GLIS1: variants seen among roughly 807,000 people sequenced by gnomAD.
GLIS1 encodes GLIS family zinc finger 1, also known as zinc finger protein GLIS1.
GLIS1 carries 24 observed loss-of-function variants against 63.8 expected under a neutral mutation model. The observed-to-expected ratio is 0.38, with a 90% CI of 0.27 to 0.53. The LOEUF is 0.53. Among genes scored for constraint, GLIS1 ranks in the 20% least tolerant of loss-of-function variants. The probability of loss-of-function intolerance (pLI) is 0.85; values close to 1 mark genes in which losing one functional copy is unlikely to be tolerated. For missense variants in GLIS1, 1,036 were observed against 1,074.1 expected (o/e 0.96, Z 0.50); for synonymous variants, 450 against 482.5 (o/e 0.93, Z 0.88).
At chr1:53,570,218 G>A (rs1644971371) in intron 4 of GLIS1, among the ~76,000 whole-genome samples, 1 of 151,840 alleles carries the variant, frequency 6.6e-6, no homozygotes, top group South Asian at 2.1e-4. Flanking sequence ...CTGGGCTCAA[G>A]CAATCTTCCT....
At chr1:53,665,072 G>A (rs760754229) in intron 2 of GLIS1, among the ~76,000 whole-genome samples, 12 of 152,314 alleles carry the variant, frequency 7.9e-5, no homozygotes, top group East Asian at 3.9e-4. Flanking sequence ...GGAGGGTTCC[G>A]AGAGAGCCTA....
At chr1:53,535,067 C>T (rs1252690589) in intron 4 of GLIS1, among the ~76,000 whole-genome samples, 1 of 151,998 alleles carries the variant, frequency 6.6e-6, no homozygotes, top group Admixed American at 6.6e-5. Context: ...GTTCTGGAAA[C>T]AGCTAAGGAT....
intron 2 of GLIS1, among the ~76,000 whole-genome samples, chr1:53,631,936 G>C (rs945900487): frequency 6.6e-6 from 1 of 152,100 alleles, no homozygotes; most frequent in Non-Finnish European, 1.5e-5. Context: ...AAAAAGGAGA[G>C]ACAGGGGAAT....
chr1:53,526,178 G>A lies in GLIS1; in HGVS notation c.1483-1291C>T, dbSNP rs1362378538. ...ATGACACCTCTCAGAGTGAGTGCCA[G>A]GGACTGCCATGTCCTGCCAGACACA... On this transcript the variant is annotated intron_variant, in intron 5 of 10. Transcript: ENST00000628545. This position sits in a 1 kb window ranked among gnomAD's most constrained non-coding sequence, Gnocchi z 4.4. 6.6e-6 allele frequency among the ~76,000 whole-genome samples: 1 copy of A among 152,170 alleles called. No individual in the cohort carries two copies. Among genetic ancestry groups the A allele is most frequent in the Non-Finnish European group, 1.5e-5 (1 of 68,032 alleles).
chr1:53,524,889 T>C lies in GLIS1; in HGVS notation c.1483-2A>G. ...AGGGATCTGACAGGCGTACGGCTTCTGTAACATGGGGGGCACGGGTGGGGT... is the reference window on the plus strand; with the variant it reads ...AGGGATCTGACAGGCGTACGGCTTCCGTAACATGGGGGGCACGGGTGGGGT... On this transcript the variant is annotated splice_acceptor_variant, in intron 5 of 10. Transcript: ENST00000628545. LOFTEE classifies it high-confidence loss of function. 1 of 1,606,096 alleles carries C rather than the reference T, an allele frequency of 6.2e-7. No homozygotes were observed. Among genetic ancestry groups the C allele is most frequent in the Non-Finnish European group, 8.5e-7 (1 of 1,173,904 alleles).
chr1:53,672,393 G>A (rs186766592), intron 2 of GLIS1, among the ~76,000 whole-genome samples: 222 of 152,266 alleles, frequency 1.5e-3, no homozygotes, highest in Non-Finnish European at 2.3e-3. Context: ...GAGTTCCTCC[G>A]GGAATACTTT....
At position 53,613,302 on chromosome 1, in the gene GLIS1, GA is replaced by G. The variant is rs560153674; in HGVS notation, c.260-13025del. Among the ~76,000 whole-genome samples, 23 of 152,272 alleles carry G rather than the reference GA, an allele frequency of 1.5e-4. No individual in the cohort carries two copies. The South Asian group carries it at 4.8e-3, about 32-fold the overall frequency. On this transcript the variant is annotated intron_variant, in intron 2 of 10. Transcript: ENST00000628545. Reference sequence around the variant, plus strand: ...ATGGTTGGAATTAAAATTATTTGGAGAAGTGAAAAACTCAAAACGACCATTT... The same window carrying G: ...ATGGTTGGAATTAAAATTATTTGGAGAGTGAAAAACTCAAAACGACCATTT...
intron 4 of GLIS1, among the ~76,000 whole-genome samples, chr1:53,538,147 T>C (rs550995849): frequency 6.6e-6 from 1 of 152,342 alleles, no homozygotes; most frequent in East Asian, 1.9e-4. Context: ...AGTTTGGGGC[T>C]TCGCCAGTCC....
intron 6 of GLIS1, among the ~76,000 whole-genome samples, 164 bp from the exon 7 acceptor site, chr1:53,520,930 C>T (rs1402566145): frequency 1.3e-5 from 2 of 152,206 alleles, no homozygotes; most frequent in African/African-American, 4.8e-5. Flanking sequence ...CTGTGTACAT[C>T]GTGAAGATGT....
At chr1:53,719,916 C>T (rs1490380230) in intron 2 of GLIS1, among the ~76,000 whole-genome samples, 1 of 152,174 alleles carries the variant, frequency 6.6e-6, no homozygotes. Context: ...TGGCTCATGC[C>T]TGTAATCCCA....
At chr1:53,592,613 GC>G in intron 4 of GLIS1, among the ~76,000 whole-genome samples, 1 of 152,212 alleles carries the variant, frequency 6.6e-6, no homozygotes, top group Non-Finnish European at 1.5e-5. Flanking sequence ...CCCCAAACAA[GC>G]CAGAGCATCG....
intron 6 of GLIS1, 149 bp from the exon 7 acceptor site, chr1:53,520,915 GCTGA>G: frequency 1.2e-6 from 1 of 843,386 alleles, no homozygotes; most frequent in Non-Finnish European, 1.8e-6. Context: ...TGTGAAATGG[GCTGA>G]CTGTGTACAT....
intron 2 of GLIS1, among the ~76,000 whole-genome samples, chr1:53,627,664 G>A (rs1029250445): frequency 1.6e-4 from 25 of 152,154 alleles, no homozygotes; most frequent in Non-Finnish European, 1.0e-4. Context: ...GGTTTTGTTC[G>A]TATTTATTAT....
At chr1:53,593,923 G>A (rs1353121023) in intron 4 of GLIS1, among the ~76,000 whole-genome samples, 185 bp downstream of exon 4, 1 of 152,240 alleles carries the variant, frequency 6.6e-6, no homozygotes, top group Admixed American at 6.5e-5. Flanking sequence ...ACGGTTCCCA[G>A]TGACAGGGGC....
At chr1:53,737,500 C>A (rs1277476843) in intron 2 of GLIS1, among the ~76,000 whole-genome samples, 1 of 152,172 alleles carries the variant, frequency 6.6e-6, no homozygotes, top group African/African-American at 2.4e-5. Flanking sequence ...TTGCTATTCG[C>A]CCTCATGTAT....
Position 53,506,757 on chromosome 1 carries a change from C to G in GLIS1, c.2250G>C (p.Glu750Asp). 2 of 1,611,550 alleles carry G rather than the reference C, an allele frequency of 1.2e-6. No individual in the cohort carries two copies. Among genetic ancestry groups the G allele is most frequent in the Non-Finnish European group, 8.5e-7 (1 of 1,179,892 alleles). ...LPATGYEALAEASCPTALPQQ... is the reference protein window; with the variant it reads ...LPATGYEALADASCPTALPQQ... ...GTGGCAGCGCTGTGGGGCATGAGGC[C>G]TCAGCCAGGGCCTCATAGCCTGTGA... is the stretch of plus-strand genomic sequence containing the variant. Residue 750 changes from glutamate to aspartate, a missense_variant, in exon 11 of 11, where the codon GAG becomes GAC. Glu to Asp is a conservative substitution (Grantham distance 45). This residue lies in a region of GLIS1 where 400 missense variants were observed against 400.9 expected (regional missense o/e 1.00). Transcript: ENST00000628545.
At chr1:53,602,990 GA>G (rs2100554429) in intron 2 of GLIS1, among the ~76,000 whole-genome samples, 1 of 152,354 alleles carries the variant, frequency 6.6e-6, no homozygotes, top group South Asian at 2.1e-4. Context: ...CAAAGGCTCA[GA>G]ATGGTCAAAG....
chr1:53,633,572 T>C, intron 2 of GLIS1, among the ~76,000 whole-genome samples: 1 of 151,984 alleles, frequency 6.6e-6, no homozygotes, highest in Non-Finnish European at 1.5e-5. Flanking sequence ...TCGGTCCTTG[T>C]GTGGCTCTTC....
intron 2 of GLIS1, among the ~76,000 whole-genome samples, chr1:53,659,913 T>C (rs1316661918): frequency 6.6e-6 from 1 of 152,172 alleles, no homozygotes; most frequent in African/African-American, 2.4e-5. Context: ...CTTTTTCTTT[T>C]TAACTGTTTG....
Sources: allele counts gnomAD v4.1 joint callset (sites outside exome capture counted in the v4.1 genomes callset), GRCh38; gene constraint gnomAD v4.1.1; regional missense constraint gnomAD v4.1.1; non-coding constraint Gnocchi (gnomAD v3.1); transcripts MANE v1.5; gene names NCBI Gene and HGNC (gene_info 2026-07-23, HGNC 2026-07-21).